CNTNAP5: variants seen among roughly 807,000 people sequenced by gnomAD.
CNTNAP5 encodes the protein contactin associated protein family member 5.
CNTNAP5 carries 72 observed loss-of-function variants against 150.2 expected under a neutral mutation model. That is an observed-to-expected ratio of 0.48 (90% confidence interval 0.40 to 0.58). The LOEUF is 0.58. CNTNAP5 is among the 20% of genes least tolerant of loss of function. The pLI, the probability that CNTNAP5 is intolerant of heterozygous loss-of-function variation, is 0.00. For missense variants in CNTNAP5, 1,636 were observed against 1,626.2 expected (o/e 1.01, Z -0.10); for synonymous variants, 672 against 619.8 (o/e 1.08, Z -1.25).
At chr2:124,257,380 G>A (rs576845549) in intron 3 of CNTNAP5, among the ~76,000 whole-genome samples, 3 of 152,112 alleles carry the variant, frequency 2.0e-5, no homozygotes, top group Non-Finnish European at 4.4e-5. Context: ...TATTCCTCCA[G>A]GGCACCTAGC....
chr2:124,204,817 G>C (rs1685822469), intron 1 of CNTNAP5, among the ~76,000 whole-genome samples: 1 of 152,094 alleles, frequency 6.6e-6, no homozygotes, highest in Admixed American at 6.5e-5. Flanking sequence ...ATTATGGGGA[G>C]CTACAAATCA....
At chr2:124,089,581 A>G (rs1334889057) in intron 1 of CNTNAP5, among the ~76,000 whole-genome samples, 1 of 152,186 alleles carries the variant, frequency 6.6e-6, no homozygotes, top group African/African-American at 2.4e-5. Flanking sequence ...TTATTTTCTC[A>G]AGTGTTAGAA....
intron 7 of CNTNAP5, among the ~76,000 whole-genome samples, chr2:124,480,863 T>C (rs1349790958): frequency 6.6e-6 from 1 of 152,162 alleles, no homozygotes; most frequent in African/African-American, 2.4e-5. Context: ...TTCCAAGTTA[T>C]TCACTCACTG....
chr2:124,083,769 T>TTG (rs1160144063), intron 1 of CNTNAP5, among the ~76,000 whole-genome samples: 1 of 152,112 alleles, frequency 6.6e-6, no homozygotes, highest in East Asian at 1.9e-4. Context: ...TCTTTGTTGT[T>TTG]TTCCTTCTTT....
At chr2:124,381,960 G>A (rs1306539206) in intron 3 of CNTNAP5, among the ~76,000 whole-genome samples, 1 of 152,134 alleles carries the variant, frequency 6.6e-6, no homozygotes, top group Non-Finnish European at 1.5e-5. Context: ...CGTGGTGTCA[G>A]GGAAGCAACG....
intron 13 of CNTNAP5, among the ~76,000 whole-genome samples, chr2:124,746,575 G>T (rs1680607412): frequency 6.6e-6 from 1 of 152,078 alleles, no homozygotes; most frequent in African/African-American, 2.4e-5. Context: ...AGAGGATATG[G>T]CAACTGCAGG....
At chr2:124,522,362 T>A (rs1373103709) in intron 8 of CNTNAP5, among the ~76,000 whole-genome samples, 2 of 152,194 alleles carry the variant, frequency 1.3e-5, no homozygotes, top group South Asian at 4.1e-4. Context: ...TTTGGTGAGA[T>A]CCTCTCATTC....
At chr2:124,462,967 A>G (rs1005027064) in intron 6 of CNTNAP5, among the ~76,000 whole-genome samples, 5 of 152,212 alleles carry the variant, frequency 3.3e-5, no homozygotes, top group Non-Finnish European at 7.3e-5. Context: ...AAGGACTATC[A>G]GAGCTGTTGA....
At chr2:124,078,930 T>C (rs1214664962) in intron 1 of CNTNAP5, among the ~76,000 whole-genome samples, 2 of 152,214 alleles carry the variant, frequency 1.3e-5, no homozygotes, top group Non-Finnish European at 1.5e-5. Context: ...AGGTTTGTCC[T>C]GTTTCTGACA....
At chr2:124,046,137 G>C (rs983728145) in intron 1 of CNTNAP5, among the ~76,000 whole-genome samples, 13 of 152,132 alleles carry the variant, frequency 8.5e-5, no homozygotes, top group African/African-American at 3.1e-4. Context: ...GTGCCTGAGT[G>C]GTGTGCCCTT....
chr2:124,411,356 G>T (rs1207662522), intron 3 of CNTNAP5, among the ~76,000 whole-genome samples: 1 of 151,960 alleles, frequency 6.6e-6, no homozygotes, highest in Non-Finnish European at 1.5e-5. Context: ...GAAAAAGAGG[G>T]TATCCTCCCT....
At chr2:124,519,957 TTCTG>T (rs1694815723) in intron 8 of CNTNAP5, among the ~76,000 whole-genome samples, 1 of 152,212 alleles carries the variant, frequency 6.6e-6, no homozygotes. Context: ...CAAAAAAGTT[TTCTG>T]TCTTTTATTT....
intron 1 of CNTNAP5, among the ~76,000 whole-genome samples, chr2:124,118,765 G>T (rs10496625): frequency 6.6e-6 from 1 of 152,042 alleles, no homozygotes; most frequent in Non-Finnish European, 1.5e-5. Flanking sequence ...ATTAACATGC[G>T]TATCTCATTT....
rs55954535 is a variant in CNTNAP5, at chr2:124,046,433, G to GAAAAAAA, written c.82+20711_82+20717dup. ...CCCTGAGATCTGCTCACAAAAGAGA[G>GAAAAAAA]AAAAAAAAAAAAAAAACAGAGAATA... On this transcript the variant is annotated intron_variant, in intron 1 of 23. Coordinates refer to ENST00000682447, the MANE Select transcript of CNTNAP5 (RefSeq NM_001367498.1). 5.2e-5 allele frequency among the ~76,000 whole-genome samples: 7 copies of GAAAAAAA among 134,598 alleles called. 2 individuals are homozygous for GAAAAAAA. The highest frequency in any genetic ancestry group is 1.5e-4 in the Admixed American group (2 of 13,324). The allele number at this position is 134,598 out of a possible 152,430, so 88.3% of individuals were successfully genotyped here.
intron 1 of CNTNAP5, among the ~76,000 whole-genome samples, chr2:124,124,558 G>C (rs967660764): frequency 6.6e-6 from 1 of 152,122 alleles, no homozygotes; most frequent in East Asian, 1.9e-4. Context: ...AGGAAACAGA[G>C]AGAATGCCAC....
chr2:124,686,179 A>G (rs1679189990), intron 13 of CNTNAP5, among the ~76,000 whole-genome samples: 1 of 152,092 alleles, frequency 6.6e-6, no homozygotes, highest in South Asian at 2.1e-4. Flanking sequence ...TTAGTGGCTT[A>G]CTTTTTGCTC....
chr2:124,906,326 T>C (rs1678536515), intron 22 of CNTNAP5, among the ~76,000 whole-genome samples: 1 of 152,148 alleles, frequency 6.6e-6, no homozygotes, highest in Non-Finnish European at 1.5e-5. Flanking sequence ...GTATGAAATA[T>C]GGGTTTTGCA....
Position 124,777,140 on chromosome 2 carries a change from A to G in CNTNAP5, c.2752+4123A>G, listed in dbSNP as rs533142030. On this transcript the variant is annotated intron_variant, in intron 17 of 23. Transcript: ENST00000682447. ...AGTGGCCACTCAAAAATGCTTCTTTAGTGGGGAAAAAAAAAAAAAAGATGA... is the reference window on the plus strand; with the variant it reads ...AGTGGCCACTCAAAAATGCTTCTTTGGTGGGGAAAAAAAAAAAAAAGATGA... 1.2e-4 allele frequency among the ~76,000 whole-genome samples: 17 copies of G among 147,486 alleles called. No individual in the cohort carries two copies. The South Asian group carries it at 3.7e-3, about 33-fold the overall frequency.
chr2:124,057,745 G>GT (rs34196825), intron 1 of CNTNAP5, among the ~76,000 whole-genome samples: 15,777 of 151,936 alleles, frequency 0.1, 971 homozygotes, highest in East Asian at 0.33. Context: ...AAGAAGGATG[G>GT]TAACAGAGGC....
Sources: allele counts gnomAD v4.1 joint callset (sites outside exome capture counted in the v4.1 genomes callset), GRCh38; gene constraint gnomAD v4.1.1; transcripts MANE v1.5; gene names NCBI Gene and HGNC (gene_info 2026-07-23, HGNC 2026-07-21).